GPC6: variants seen among roughly 807,000 people sequenced by gnomAD.
The protein encoded by GPC6 is glypican-6.
Under a neutral mutation model 55.2 loss-of-function variants are expected in GPC6, and 14 were observed. The observed-to-expected ratio is 0.25, with a 90% confidence interval of 0.17 to 0.40. The LOEUF (loss-of-function observed/expected upper bound fraction) is 0.40, where lower values mean the gene tolerates loss of function less well. GPC6 is among the 10% of genes least tolerant of loss of function. The pLI is 1.00. For missense variants in GPC6, 641 were observed against 708.5 expected (o/e 0.90, Z 1.08); for synonymous variants, 278 against 259.6 (o/e 1.07, Z -0.68).
intron 4 of GPC6, among the ~76,000 whole-genome samples, chr13:94,144,664 C>T (rs1422051362): frequency 6.6e-6 from 1 of 151,620 alleles, no homozygotes; most frequent in East Asian, 1.9e-4. Context: ...GTCTAAAATA[C>T]CTGTTCCTGA....
intron 3 of GPC6, among the ~76,000 whole-genome samples, chr13:93,950,584 A>G (rs1238472120): frequency 3.9e-5 from 6 of 152,166 alleles, no homozygotes; most frequent in African/African-American, 9.7e-5. Context: ...AACAGTCACA[A>G]TTGCTCCGTC....
chr13:94,297,950 A>G (rs962095135), intron 5 of GPC6, among the ~76,000 whole-genome samples: 4 of 152,170 alleles, frequency 2.6e-5, no homozygotes, highest in African/African-American at 9.7e-5. Context: ...AGGGAAGACA[A>G]AAGATGACTA....
chr13:93,503,799 T>A (rs1408582510), intron 1 of GPC6, among the ~76,000 whole-genome samples: 1 of 152,146 alleles, frequency 6.6e-6, no homozygotes, highest in Non-Finnish European at 1.5e-5. Context: ...TCAACTACTT[T>A]GTGTTAAGTA....
At chr13:94,143,156 A>G (rs1406830171) in intron 4 of GPC6, among the ~76,000 whole-genome samples, 1 of 151,928 alleles carries the variant, frequency 6.6e-6, no homozygotes, top group Admixed American at 6.6e-5. Flanking sequence ...TGAAAAAAAA[A>G]AAGATATATA....
chr13:93,415,186 T>C (rs1876652559), intron 1 of GPC6, among the ~76,000 whole-genome samples: 1 of 152,124 alleles, frequency 6.6e-6, no homozygotes, highest in African/African-American at 2.4e-5. Context: ...ATTATAATGA[T>C]TGTACTTAGT....
chr13:93,636,956 G>GT (rs1879728112), intron 2 of GPC6, among the ~76,000 whole-genome samples: 1 of 149,190 alleles, frequency 6.7e-6, no homozygotes, highest in African/African-American at 2.5e-5. Context: ...TCTCCTCTTA[G>GT]TGGAGCACAT....
intron 4 of GPC6, among the ~76,000 whole-genome samples, chr13:94,200,654 G>A (rs189428385): frequency 1.3e-5 from 2 of 152,174 alleles, no homozygotes; most frequent in East Asian, 3.9e-4. Flanking sequence ...AAGACTTTAG[G>A]GACATGATAG....
chr13:93,251,941 T>C (rs1295827685), intron 1 of GPC6, among the ~76,000 whole-genome samples: 1 of 152,202 alleles, frequency 6.6e-6, no homozygotes, highest in African/African-American at 2.4e-5. Flanking sequence ...CACTGAAACA[T>C]CTCTCTCATC....
At chr13:93,891,386 G>A (rs1184084431) in intron 3 of GPC6, among the ~76,000 whole-genome samples, 1 of 152,018 alleles carries the variant, frequency 6.6e-6, no homozygotes, top group African/African-American at 2.4e-5. Flanking sequence ...TGAACCTCAG[G>A]AGAAATTACC....
chr13:93,600,197 C>A (rs1345097340), intron 2 of GPC6, among the ~76,000 whole-genome samples: 1 of 152,146 alleles, frequency 6.6e-6, no homozygotes, highest in Non-Finnish European at 1.5e-5. Context: ...CTGGGCTAAA[C>A]AGAAAGAAGA....
At chr13:93,717,184 A>G (rs542674420) in intron 2 of GPC6, among the ~76,000 whole-genome samples, 2 of 151,816 alleles carry the variant, frequency 1.3e-5, no homozygotes, top group Non-Finnish European at 3.0e-5. Context: ...TTGAATGCTT[A>G]AGACCAGAAA....
chr13:94,132,021 G>T (rs2138867439), intron 4 of GPC6, among the ~76,000 whole-genome samples: 1 of 152,272 alleles, frequency 6.6e-6, no homozygotes, highest in African/African-American at 2.4e-5. Context: ...GATTCTGCCT[G>T]TTACCTCGTT....
At chr13:93,387,040 A>T (rs1875434384) in intron 1 of GPC6, among the ~76,000 whole-genome samples, 1 of 152,164 alleles carries the variant, frequency 6.6e-6, no homozygotes, top group Non-Finnish European at 1.5e-5. Flanking sequence ...CTATCTCCAA[A>T]TAAGGTCATA....
At chr13:93,576,407 G>T (rs1306524856) in intron 2 of GPC6, among the ~76,000 whole-genome samples, 1 of 152,082 alleles carries the variant, frequency 6.6e-6, no homozygotes, top group African/African-American at 2.4e-5. Flanking sequence ...AAAGATCACA[G>T]AATTTGGAGG....
intron 2 of GPC6, among the ~76,000 whole-genome samples, chr13:93,727,492 C>G (rs1594405539): frequency 7.0e-6 from 1 of 143,772 alleles, no homozygotes; most frequent in African/African-American, 2.4e-5. Flanking sequence ...CACTCTTGCC[C>G]TTCCCCGTGG....
chr13:93,652,472 G>C (rs1180165301), intron 2 of GPC6, among the ~76,000 whole-genome samples: 1 of 152,110 alleles, frequency 6.6e-6, no homozygotes, highest in Non-Finnish European at 1.5e-5. Context: ...CAGTTTATTA[G>C]GGCATATTAG....
At chr13:93,673,281 C>A (rs916850247) in intron 2 of GPC6, among the ~76,000 whole-genome samples, 1 of 152,134 alleles carries the variant, frequency 6.6e-6, no homozygotes, top group African/African-American at 2.4e-5. Context: ...CAAGTTATTC[C>A]TCCACTATGT....
chr13:93,726,835 C>A (rs968205899), intron 2 of GPC6, among the ~76,000 whole-genome samples: 1 of 152,116 alleles, frequency 6.6e-6, no homozygotes, highest in Non-Finnish European at 1.5e-5. Context: ...TGTCTTCCAC[C>A]TGTAAGAGGC....
At chr13:93,829,775 G>A (rs1358034580) in intron 2 of GPC6, among the ~76,000 whole-genome samples, 1 of 152,106 alleles carries the variant, frequency 6.6e-6, no homozygotes, top group Non-Finnish European at 1.5e-5. Flanking sequence ...TGAAGCAAAT[G>A]TGTTTATCAT....
Sources: allele counts gnomAD v4.1 joint callset (sites outside exome capture counted in the v4.1 genomes callset), GRCh38; gene constraint gnomAD v4.1.1; transcripts MANE v1.5; gene names NCBI Gene and HGNC (gene_info 2026-07-23, HGNC 2026-07-21).